The following GRM1 variants were observed in gnomAD, a reference collection of about 807,000 sequenced individuals.
GRM1 encodes metabotropic glutamate receptor 1.
In GRM1, 33 loss-of-function variants were observed where a neutral mutation model predicts 90.9. The observed-to-expected ratio is 0.36, with a 90% confidence interval of 0.28 to 0.49. The LOEUF (loss-of-function observed/expected upper bound fraction) is 0.49, where lower values mean the gene tolerates loss of function less well. GRM1 is among the 20% of genes least tolerant of loss of function. GRM1 has a pLI of 0.99. For synonymous variants in GRM1, 700 were observed against 613.2 expected (o/e 1.14, Z -2.09); for missense variants, 1,190 against 1,534.3 (o/e 0.78, Z 3.75).
At chr6:146,258,003 G>A (rs1781551094) in intron 2 of GRM1, among the ~76,000 whole-genome samples, 2 of 149,860 alleles carry the variant, frequency 1.3e-5, no homozygotes, top group African/African-American at 4.9e-5. Flanking sequence ...AAAAAAAATA[G>A]TTTTTTTCTA....
chr6:146,245,492 G>A (rs1049115150), intron 2 of GRM1, among the ~76,000 whole-genome samples: 1 of 152,136 alleles, frequency 6.6e-6, no homozygotes, highest in Non-Finnish European at 1.5e-5. Flanking sequence ...TATTGATACT[G>A]TTACCAAAAG....
In GRM1 at chr6:146,279,805, T is replaced by C. The variant is rs187780679; in HGVS notation, c.951-24806T>C. Among the ~76,000 whole-genome samples the C allele has an allele frequency of 4.8e-3, 723 of 152,078 alleles. 4 individuals are homozygous for C. Among genetic ancestry groups the C allele is most frequent in the African/African-American group, 0.017 (693 of 41,548 alleles). On this transcript the variant is annotated intron_variant, in intron 2 of 7. Coordinates refer to ENST00000282753, the MANE Select transcript of GRM1 (RefSeq NM_001278064.2). ...TATAGAAATGTAGGTTGATGGGTTT[T>C]ATTTATTGATTTTTTTTTCATCACT...
intron 2 of GRM1, among the ~76,000 whole-genome samples, chr6:146,164,082 ATT>A (rs5880667): frequency 6.6e-6 from 1 of 151,556 alleles, no homozygotes; most frequent in African/African-American, 2.4e-5. Context: ...TAATTCTTAA[ATT>A]TTTTTTTATC....
At chr6:146,059,809 G>C (rs570871988) in intron 1 of GRM1, among the ~76,000 whole-genome samples, 2 of 152,062 alleles carry the variant, frequency 1.3e-5, no homozygotes, top group Non-Finnish European at 2.9e-5. Context: ...CTTAAAAATG[G>C]TTTCTTTCCT....
At chr6:146,213,523 C>T (rs1254467508) in intron 2 of GRM1, among the ~76,000 whole-genome samples, 1 of 152,090 alleles carries the variant, frequency 6.6e-6, no homozygotes, top group Non-Finnish European at 1.5e-5. Context: ...CATTATTGTA[C>T]ATATATTCCC....
chr6:146,181,618 A>C (rs1285904209), intron 2 of GRM1, among the ~76,000 whole-genome samples: 2 of 152,170 alleles, frequency 1.3e-5, no homozygotes, highest in Non-Finnish European at 2.9e-5. Context: ...ATTGATAGAG[A>C]ACTGAATTAT....
chr6:146,222,445 G>T (rs553161737), intron 2 of GRM1, among the ~76,000 whole-genome samples: 4 of 151,992 alleles, frequency 2.6e-5, no homozygotes, highest in Non-Finnish European at 5.9e-5. Context: ...AAAATCCCAA[G>T]ATCTGCTGCT....
intron 1 of GRM1, among the ~76,000 whole-genome samples, chr6:146,054,604 G>A (rs567856118): frequency 6.6e-6 from 1 of 151,970 alleles, no homozygotes; most frequent in African/African-American, 2.4e-5. Context: ...ATGTCAGGGG[G>A]CATAGACATT....
rs527377862 is a variant in GRM1 at position 146,343,661 on chromosome 6, A to AT, written c.1187-8587dup. On this transcript the variant is annotated intron_variant, in intron 3 of 7. Coordinates refer to ENST00000282753, the MANE Select transcript of GRM1 (RefSeq NM_001278064.2). ...ATTGTTGTTGTTGTTGTTTTTATTTATTATTATTATTATTATTATTATTGA... is the reference window on the plus strand; with the variant it reads ...ATTGTTGTTGTTGTTGTTTTTATTTATTTATTATTATTATTATTATTATTGA... 3.7e-3 allele frequency among the ~76,000 whole-genome samples: 542 copies of AT among 147,600 alleles called. 2 individuals carry two copies. The highest frequency in any genetic ancestry group is 0.017 in the Middle Eastern group (5 of 288).
At chr6:146,270,017 C>CA (rs1459522643) in intron 2 of GRM1, among the ~76,000 whole-genome samples, 5 of 150,288 alleles carry the variant, frequency 3.3e-5, no homozygotes, top group African/African-American at 1.2e-4. Context: ...AATTCAGACA[C>CA]AAAATGATGC....
chr6:146,433,586 G>A (rs1778489605), intron 7 of GRM1, among the ~76,000 whole-genome samples: 2 of 151,806 alleles, frequency 1.3e-5, no homozygotes, highest in Non-Finnish European at 2.9e-5. Context: ...GAGAGGGAGA[G>A]AGTGCAACGG....
chr6:146,347,175 C>T (rs1399024881), intron 3 of GRM1, among the ~76,000 whole-genome samples: 1 of 152,188 alleles, frequency 6.6e-6, no homozygotes, highest in Non-Finnish European at 1.5e-5. Context: ...CAACTCAGAA[C>T]AAACAAACAT....
chr6:146,363,569 G>A (rs985931580), intron 5 of GRM1, among the ~76,000 whole-genome samples: 1 of 152,094 alleles, frequency 6.6e-6, no homozygotes, highest in Admixed American at 6.5e-5. Flanking sequence ...TAAAATCTAT[G>A]TGTATGTGTC....
intron 5 of GRM1, among the ~76,000 whole-genome samples, chr6:146,373,151 T>C (rs1208602191): frequency 6.6e-6 from 1 of 152,164 alleles, no homozygotes; most frequent in East Asian, 1.9e-4. Flanking sequence ...CATCAGCGTT[T>C]TATAGTTTTC....
At chr6:146,180,883 A>G (rs1397410632) in intron 2 of GRM1, among the ~76,000 whole-genome samples, 1 of 152,186 alleles carries the variant, frequency 6.6e-6, no homozygotes, top group East Asian at 1.9e-4. Context: ...ACTCACTTAC[A>G]GCAAATATTT....
chr6:146,395,034 T>C lies in GRM1; in HGVS notation c.1730-3735T>C, dbSNP rs142951463. 8.5e-3 allele frequency among the ~76,000 whole-genome samples: 1,293 copies of C among 152,180 alleles called. 2 individuals are homozygous for C. Among genetic ancestry groups the C allele is most frequent in the Non-Finnish European group, 0.014 (931 of 67,978 alleles). On this transcript the variant is annotated intron_variant, in intron 6 of 7. Transcript: ENST00000282753. Reference sequence around the variant, plus strand: ...ATAAGTTGCCTCATTTTTCATGAGATGTACTGAGTGTTCACAAATATTCTT... The same window carrying C: ...ATAAGTTGCCTCATTTTTCATGAGACGTACTGAGTGTTCACAAATATTCTT...
At chr6:146,078,694 A>T (rs1344792371) in intron 1 of GRM1, among the ~76,000 whole-genome samples, 3 of 152,342 alleles carry the variant, frequency 2.0e-5, no homozygotes, top group South Asian at 2.1e-4. Context: ...TAAAATGAAT[A>T]ATTTCAGCAG....
chr6:146,416,162 T>C (rs1290283145), intron 7 of GRM1, among the ~76,000 whole-genome samples: 1 of 152,188 alleles, frequency 6.6e-6, no homozygotes, highest in East Asian at 1.9e-4. Context: ...TTTCAGTCAG[T>C]CTGATAATGT....
intron 6 of GRM1, among the ~76,000 whole-genome samples, chr6:146,389,555 T>C (rs972700640): frequency 6.6e-6 from 1 of 152,086 alleles, no homozygotes; most frequent in African/African-American, 2.4e-5. Context: ...TAGGGATCTT[T>C]AACTTGGTAA....
Sources: allele counts gnomAD v4.1 joint callset (sites outside exome capture counted in the v4.1 genomes callset), GRCh38; gene constraint gnomAD v4.1.1; transcripts MANE v1.5; gene names NCBI Gene and HGNC (gene_info 2026-07-23, HGNC 2026-07-21).